LY96: variants seen among roughly 807,000 people sequenced by gnomAD.
LY96 encodes myeloid differentiation protein-2.
A neutral mutation model predicts 18.9 loss-of-function variants in LY96; 18 were observed. The ratio of observed to expected loss-of-function variants is 0.95; its 90% CI spans 0.66 to 1.41. The LOEUF is 1.41. Among genes scored for constraint, LY96 ranks in the 40% most tolerant of loss-of-function variants. The pLI, the probability that LY96 is intolerant of heterozygous loss-of-function variation, is 0.00. For missense variants in LY96, 175 were observed against 182.4 expected, an observed-to-expected ratio of 0.96 and a Z score of 0.23; for synonymous variants, 66 against 62.6, an observed-to-expected ratio of 1.06 and a Z score of -0.26.
chr8:74,030,444 T>G (rs1438309420), downstream of LY96, among the ~76,000 whole-genome samples: 1 of 151,954 alleles, frequency 6.6e-6, no homozygotes, highest in Non-Finnish European at 1.5e-5. Context: ...ACCCGGGAGG[T>G]GAAGGTTGTA....
At chr8:73,993,999 T>C (rs1489980466) in intron 1 of LY96, among the ~76,000 whole-genome samples, 1 of 152,138 alleles carries the variant, frequency 6.6e-6, no homozygotes, top group Non-Finnish European at 1.5e-5. Context: ...TTTTTTTTTT[T>C]ACTTTGAGAC....
chr8:74,097,971 C>T, the LY96 span, among the ~76,000 whole-genome samples: 1 of 152,166 alleles, frequency 6.6e-6, no homozygotes, highest in Non-Finnish European at 1.5e-5. Flanking sequence ...ACAAGTACTA[C>T]ATAATGTTGG....
At chr8:74,045,691 TA>T in the LY96 span, among the ~76,000 whole-genome samples, 1 of 152,094 alleles carries the variant, frequency 6.6e-6, no homozygotes, top group African/African-American at 2.4e-5. Context: ...ATTATTGCTC[TA>T]AGTCTAAAGG....
the LY96 span, among the ~76,000 whole-genome samples, chr8:74,069,705 C>T: frequency 1.3e-5 from 2 of 152,220 alleles, no homozygotes; most frequent in South Asian, 2.1e-4. Flanking sequence ...TGGATTCAAG[C>T]GATTCTCCCC....
the LY96 span, among the ~76,000 whole-genome samples, chr8:74,087,614 A>G: frequency 2.3e-4 from 35 of 152,278 alleles, no homozygotes; most frequent in African/African-American, 8.2e-4. Flanking sequence ...AAGGGCCTCA[A>G]ACATGTCACC....
the LY96 span, among the ~76,000 whole-genome samples, chr8:74,064,349 G>A: frequency 6.6e-6 from 1 of 152,214 alleles, no homozygotes; most frequent in African/African-American, 2.4e-5. Context: ...AGTGTTGGAA[G>A]TAGGGCCTAG....
the LY96 span, among the ~76,000 whole-genome samples, chr8:74,036,634 C>A: frequency 6.6e-6 from 1 of 152,168 alleles, no homozygotes; most frequent in Non-Finnish European, 1.5e-5. Flanking sequence ...CCTTAGCCCC[C>A]AGCCCACCAA....
chr8:74,039,448 A>G, the LY96 span, among the ~76,000 whole-genome samples: 22 of 152,154 alleles, frequency 1.4e-4, no homozygotes, highest in African/African-American at 5.3e-4. Flanking sequence ...GTAATAAATA[A>G]AGACACAAAA....
At chr8:74,028,278 T>C (rs191345473) in intron 4 of LY96, among the ~76,000 whole-genome samples, 2 of 152,324 alleles carry the variant, frequency 1.3e-5, no homozygotes, top group Admixed American at 1.3e-4. Context: ...CTGTAGACTA[T>C]GGAAAAATTG....
rs1411297599 is a variant in LY96, at chr8:74,002,049, TCC to T, written c.113-2746_113-2745del. 3.6e-4 allele frequency among the ~76,000 whole-genome samples: 14 copies of T among 38,640 alleles called. No individual in the cohort carries two copies. In the East Asian group the frequency reaches 6.2e-3, roughly 17 times the overall value. The allele number at this position is 38,640 out of a possible 152,430, so 25.3% of individuals were successfully genotyped here. A position where few individuals can be genotyped will look rare whatever the true frequency, so the allele number is the denominator to read the frequency against. ...TTCCTTCCTTCCTTCCTTCCTTCCT[TCC>T]TTCCTTCCTTCCTTCCTTCCTTCCT... On this transcript the variant is annotated intron_variant, in intron 1 of 4. Transcript: ENST00000284818.
intron 1 of LY96, among the ~76,000 whole-genome samples, chr8:73,996,361 C>A (rs28456983): frequency 0.063 from 5,518 of 87,514 alleles, 289 homozygotes; most frequent in Admixed American, 0.18. Flanking sequence ...TCCTTCCTTC[C>A]TTCCTTCATT....
the LY96 span, among the ~76,000 whole-genome samples, chr8:74,048,076 G>T: frequency 6.6e-6 from 1 of 151,968 alleles, no homozygotes; most frequent in East Asian, 1.9e-4. Flanking sequence ...TTTCTTTTGG[G>T]TGAGGGTCTG....
At chr8:74,016,888 C>T (rs541337910) in intron 3 of LY96, among the ~76,000 whole-genome samples, 14 of 152,202 alleles carry the variant, frequency 9.2e-5, no homozygotes, top group African/African-American at 3.4e-4. Flanking sequence ...ACACCAAAAC[C>T]CCATCTGTAG....
the LY96 span, among the ~76,000 whole-genome samples, chr8:74,043,036 A>G: frequency 1.3e-5 from 2 of 152,066 alleles, no homozygotes; most frequent in South Asian, 4.1e-4. Flanking sequence ...CAGCCTCCCA[A>G]AGTGCTGGGA....
At chr8:74,039,938 T>G in the LY96 span, among the ~76,000 whole-genome samples, 1 of 152,218 alleles carries the variant, frequency 6.6e-6, no homozygotes, top group East Asian at 1.9e-4. Flanking sequence ...AGCAGAGTGT[T>G]CCCTGACTCC....
chr8:74,081,087 C>CTCTTTCTCTCTT, the LY96 span, among the ~76,000 whole-genome samples: 2 of 93,024 alleles, frequency 2.1e-5, no homozygotes, highest in African/African-American at 1.0e-4. Context: ...TTCTCTTTCT[C>CTCTTTCTCTCTT]TCTTTCTTTC....
the LY96 span, among the ~76,000 whole-genome samples, chr8:74,080,032 T>A: frequency 6.6e-6 from 1 of 152,306 alleles, no homozygotes; most frequent in South Asian, 2.1e-4. Flanking sequence ...CAAGTTCACA[T>A]CTAATATCAT....
the LY96 span, among the ~76,000 whole-genome samples, chr8:74,078,197 C>T: frequency 2.0e-5 from 3 of 151,912 alleles, no homozygotes; most frequent in African/African-American, 7.3e-5. Context: ...ACAAGTAAAT[C>T]CAGAGTAAAC....
downstream of LY96, among the ~76,000 whole-genome samples, chr8:74,030,299 G>T (rs772752975): frequency 6.6e-6 from 1 of 152,164 alleles, no homozygotes; most frequent in East Asian, 1.9e-4. Context: ...GATCACCTGA[G>T]GTCAGGAGTT....
Sources: gnomAD v4.1 joint callset for allele counts (sites outside exome capture counted in the v4.1 genomes callset) on GRCh38, gnomAD v4.1.1 for gene constraint, MANE v1.5 for transcripts, NCBI Gene and HGNC (gene_info 2026-07-23, HGNC 2026-07-21) for gene names.